Variants in NFATC1 observed in about 807,000 individuals in gnomAD.
NFATC1 encodes the protein nuclear factor of activated T-cells, cytoplasmic 1.
NFATC1 carries 22 observed loss-of-function variants against 76.0 expected under a neutral mutation model. The observed-to-expected ratio is 0.29, with a 90% CI of 0.21 to 0.41. The LOEUF is 0.41. NFATC1 is among the 10% of genes least tolerant of loss of function. The probability of loss-of-function intolerance (pLI) is 1.00; values close to 1 mark genes in which losing one functional copy is unlikely to be tolerated. For synonymous variants in NFATC1, 704 were observed against 613.1 expected (o/e 1.15, Z -2.19); for missense variants, 1,357 against 1,337.7 (o/e 1.01, Z -0.23).
intron 9 of NFATC1, among the ~76,000 whole-genome samples, chr18:79,507,689 G>C (rs544533135): frequency 6.6e-6 from 1 of 152,360 alleles, no homozygotes; most frequent in South Asian, 2.1e-4. Flanking sequence ...AGGACACCAG[G>C]CTTCTGCACC....
intron 9 of NFATC1, among the ~76,000 whole-genome samples, chr18:79,488,731 C>T (rs1004038224): frequency 2.6e-5 from 4 of 152,230 alleles, no homozygotes. Context: ...GTCCCTCACC[C>T]CTGCTTTGTC....
intron 9 of NFATC1, among the ~76,000 whole-genome samples, chr18:79,502,075 G>T (rs1041040278): frequency 1.3e-5 from 2 of 152,224 alleles, no homozygotes; most frequent in African/African-American, 4.8e-5. Context: ...AGAGAACAAA[G>T]TTGGAGGAGT....
intron 6 of NFATC1, 140 bp downstream of exon 6, chr18:79,451,956 C>A (rs55811982): frequency 2.0e-6 from 2 of 1,007,246 alleles, no homozygotes; most frequent in Non-Finnish European, 2.7e-6. Context: ...AGAGGCTCTG[C>A]GTGGCCCGTG....
chr18:79,430,510 G>A (rs985088780), intron 2 of NFATC1, among the ~76,000 whole-genome samples: 1 of 152,196 alleles, frequency 6.6e-6, no homozygotes, highest in Non-Finnish European at 1.5e-5. Flanking sequence ...ACCCTCCCAA[G>A]TGGCTAGGAT....
At chr18:79,425,884 C>T (rs1260629141) in intron 2 of NFATC1, among the ~76,000 whole-genome samples, 2 of 152,220 alleles carry the variant, frequency 1.3e-5, no homozygotes, top group Non-Finnish European at 2.9e-5. Context: ...ACACCGTTCA[C>T]TGTAGAAGAC....
chr18:79,489,660 C>T (rs1053102791), intron 9 of NFATC1, among the ~76,000 whole-genome samples: 3 of 152,192 alleles, frequency 2.0e-5, no homozygotes, highest in African/African-American at 7.2e-5. Context: ...TTCAAAAGAC[C>T]CAGGGGTTTC....
chr18:79,438,217 T>G (rs7236190), intron 3 of NFATC1, among the ~76,000 whole-genome samples: 1 of 152,150 alleles, frequency 6.6e-6, no homozygotes, highest in African/African-American at 2.4e-5. Context: ...TCCCTCCTGC[T>G]CTCTTTGCCG....
intron 7 of NFATC1, among the ~76,000 whole-genome samples, chr18:79,463,071 C>T (rs1192221403): frequency 3.3e-5 from 5 of 152,226 alleles, no homozygotes; most frequent in Admixed American, 6.5e-5. Context: ...GCGACTTCAG[C>T]GCCCTTCCCC....
At chr18:79,461,211 C>T in intron 6 of NFATC1, 100 bp from the exon 7 acceptor site, 2 of 1,425,326 alleles carry the variant, frequency 1.4e-6, no homozygotes, top group Non-Finnish European at 2.0e-6. Context: ...ACAAGGCGCC[C>T]TCCTGGCTCA....
intron 1 of NFATC1, among the ~76,000 whole-genome samples, chr18:79,399,980 C>A (rs1016364151): frequency 1.3e-5 from 2 of 148,502 alleles, no homozygotes; most frequent in Admixed American, 6.7e-5. Flanking sequence ...AAAAAAAAAA[C>A]TTAAAAAAAA....
At chr18:79,473,819 G>A (rs1470922088) in intron 8 of NFATC1, among the ~76,000 whole-genome samples, 4 of 145,814 alleles carry the variant, frequency 2.7e-5, no homozygotes, top group East Asian at 2.1e-4. Flanking sequence ...CACTGTTGAC[G>A]TAAACCTGAG....
intron 1 of NFATC1, among the ~76,000 whole-genome samples, chr18:79,406,071 C>G (rs187479153): frequency 7.2e-5 from 11 of 152,214 alleles, no homozygotes; most frequent in Admixed American, 7.2e-4. Flanking sequence ...CCCCGTGTGG[C>G]GCAGCTCTGG....
chr18:79,513,738 G>GGT (rs1474442797), intron 9 of NFATC1, among the ~76,000 whole-genome samples: 2 of 152,206 alleles, frequency 1.3e-5, no homozygotes, highest in Admixed American at 1.3e-4. Flanking sequence ...ATCTGCCGGG[G>GGT]GTGTGTGGCC....
At chr18:79,506,242 G>A (rs1429830843) in intron 9 of NFATC1, among the ~76,000 whole-genome samples, 1 of 152,200 alleles carries the variant, frequency 6.6e-6, no homozygotes, top group Non-Finnish European at 1.5e-5. Context: ...CCGCAGTGTG[G>A]AGAGGAACAG....
intron 9 of NFATC1, among the ~76,000 whole-genome samples, chr18:79,495,208 C>T (rs1214031259): frequency 6.6e-6 from 1 of 152,264 alleles, no homozygotes; most frequent in East Asian, 1.9e-4. Context: ...GCCACAGTGC[C>T]TCCGTCCTTC....
At chr18:79,414,282 T>C (rs1245056612) in intron 2 of NFATC1, among the ~76,000 whole-genome samples, 1 of 152,218 alleles carries the variant, frequency 6.6e-6, no homozygotes, top group Admixed American at 6.5e-5. Flanking sequence ...GTATTTTTAA[T>C]GATCTCCAAA....
chr18:79,506,387 AG>A (rs1264566028), intron 9 of NFATC1, among the ~76,000 whole-genome samples: 14 of 152,148 alleles, frequency 9.2e-5, no homozygotes, highest in African/African-American at 2.9e-4. Context: ...TCCGGTGACC[AG>A]GCCTCTCCCA....
chr18:79,468,058 C>T (rs763443079), intron 8 of NFATC1: 409 of 914,356 alleles, frequency 4.5e-4, no homozygotes, highest in Non-Finnish European at 5.3e-4. Context: ...CGGACGTCCC[C>T]GAGACACTTC....
At chr18:79,416,050 G>A (rs1340149514) in intron 2 of NFATC1, among the ~76,000 whole-genome samples, 2 of 152,202 alleles carry the variant, frequency 1.3e-5, no homozygotes, top group Admixed American at 6.5e-5. Context: ...CGAGAGGAGC[G>A]AGACTCCGTC....
Sources: gnomAD v4.1 joint callset for allele counts (sites outside exome capture counted in the v4.1 genomes callset) on GRCh38, gnomAD v4.1.1 for gene constraint, MANE v1.5 for transcripts, NCBI Gene and HGNC (gene_info 2026-07-23, HGNC 2026-07-21) for gene names.